CREB5: variants seen among roughly 807,000 people sequenced by gnomAD.
CREB5 encodes the protein cAMP responsive element binding protein 5.
A neutral mutation model predicts 57.1 loss-of-function variants in CREB5; 19 were observed. The observed-to-expected ratio is 0.33, with a 90% CI of 0.23 to 0.49. The LOEUF (loss-of-function observed/expected upper bound fraction) is 0.49, where lower values mean the gene tolerates loss of function less well. CREB5 is among the 20% of genes least tolerant of loss of function. CREB5 has a pLI of 0.99. For missense variants in CREB5, 579 were observed against 671.6 expected (o/e 0.86, Z 1.52); for synonymous variants, 238 against 238.3 (o/e 1.00, Z 0.01).
intron 9 of CREB5, among the ~76,000 whole-genome samples, chr7:28,810,053 T>G (rs1809015094): frequency 6.6e-6 from 1 of 152,186 alleles, no homozygotes; most frequent in African/African-American, 2.4e-5. Flanking sequence ...TTTTGCTTTT[T>G]ATGAATGTCT....
chr7:28,603,197 G>T (rs1796988497), intron 5 of CREB5, among the ~76,000 whole-genome samples: 2 of 152,124 alleles, frequency 1.3e-5, no homozygotes, highest in Non-Finnish European at 2.9e-5. Context: ...CTTTGAATGT[G>T]AGCATCCAAA....
At chr7:28,612,779 A>G (rs1007872407) in intron 5 of CREB5, among the ~76,000 whole-genome samples, 1 of 152,208 alleles carries the variant, frequency 6.6e-6, no homozygotes, top group Non-Finnish European at 1.5e-5. Context: ...ATTACCTGTC[A>G]GTAGGATTAT....
intron 5 of CREB5, among the ~76,000 whole-genome samples, chr7:28,599,147 G>A (rs1796810285): frequency 6.6e-6 from 1 of 152,090 alleles, no homozygotes; most frequent in Non-Finnish European, 1.5e-5. Context: ...GGATGTGATT[G>A]AAGTTCCAGC....
intron 1 of CREB5, among the ~76,000 whole-genome samples, chr7:28,387,553 T>C (rs6955695): frequency 5.3e-5 from 8 of 152,162 alleles, no homozygotes; most frequent in Admixed American, 1.3e-4. Context: ...TGATAGTTTC[T>C]TTTGCTGTGC....
At chr7:28,408,054 A>G (rs1299866111), upstream of CREB5, among the ~76,000 whole-genome samples, 1 of 152,222 alleles carries the variant, frequency 6.6e-6, no homozygotes, top group African/African-American at 2.4e-5. Context: ...AATAACCCAC[A>G]AGAAGGGAAT....
At chr7:28,573,749 T>C (rs183145898) in intron 5 of CREB5, among the ~76,000 whole-genome samples, 42 of 152,262 alleles carry the variant, frequency 2.8e-4, no homozygotes, top group Admixed American at 1.1e-3. Flanking sequence ...AGGGAGGACT[T>C]TGGGGACAAA....
At position 28,571,695 on chromosome 7, in the gene CREB5, C is replaced by T. The variant is rs149829622; in HGVS notation, c.464+1158C>T. On this transcript the variant is annotated intron_variant, in intron 5 of 10. Transcript: ENST00000357727. The stretch of plus-strand genomic sequence containing the variant: ...GCATTTCCAGGGAGCTTCTCAGAAA[C>T]GCAGAATCTCTGGCCCAGCTTCCTT... 8.9e-3 allele frequency among the ~76,000 whole-genome samples: 1,357 copies of T among 152,292 alleles called. 10 individuals carry two copies. The highest frequency in any genetic ancestry group is 0.013 in the South Asian group (65 of 4,824).
intron 1 of CREB5, among the ~76,000 whole-genome samples, chr7:28,401,285 T>C (rs952265434): frequency 6.6e-6 from 1 of 152,232 alleles, no homozygotes; most frequent in Admixed American, 6.5e-5. Context: ...GAGTAGTGAA[T>C]ACAATAATTC....
At chr7:28,478,707 C>G (rs551385845) in intron 1 of CREB5, among the ~76,000 whole-genome samples, 1 of 152,300 alleles carries the variant, frequency 6.6e-6, no homozygotes, top group African/African-American at 2.4e-5. Flanking sequence ...GTTGGGGCAA[C>G]TCTTTCTTTT....
chr7:28,494,775 GTT>G (rs77196704), intron 2 of CREB5, 129 bp from the exon 3 acceptor site: 522 of 483,922 alleles, frequency 1.1e-3, no homozygotes, highest in Middle Eastern at 2.4e-3. Flanking sequence ...TTTTCGAAAT[GTT>G]TTTTTTTTTT....
intron 3 of CREB5, among the ~76,000 whole-genome samples, chr7:28,499,689 T>C (rs1792197443): frequency 6.6e-6 from 1 of 152,138 alleles, no homozygotes; most frequent in African/African-American, 2.4e-5. Context: ...GTTCAAGTGA[T>C]TTTCCTGCCT....
At chr7:28,584,894 G>A (rs1796254142) in intron 5 of CREB5, among the ~76,000 whole-genome samples, 1 of 152,110 alleles carries the variant, frequency 6.6e-6, no homozygotes, top group African/African-American at 2.4e-5. Context: ...CTACTTTCTG[G>A]AGAACAGCTA....
chr7:28,397,402 G>T (rs138244868), intron 1 of CREB5, among the ~76,000 whole-genome samples: 338 of 152,270 alleles, frequency 2.2e-3, no homozygotes, highest in African/African-American at 7.8e-3. Flanking sequence ...GAGACGTAAG[G>T]ATCCCATCTG....
At chr7:28,413,156 T>A (rs1356856757) in intron 1 of CREB5, among the ~76,000 whole-genome samples, 1 of 151,676 alleles carries the variant, frequency 6.6e-6, no homozygotes, top group Non-Finnish European at 1.5e-5. Flanking sequence ...AGGTAAAATA[T>A]GTTCAGAAGC....
At chr7:28,585,718 A>T (rs1463102680) in intron 5 of CREB5, among the ~76,000 whole-genome samples, 1 of 151,990 alleles carries the variant, frequency 6.6e-6, no homozygotes, top group Non-Finnish European at 1.5e-5. Context: ...CCACCACCAG[A>T]ATTGTTCTGG....
chr7:28,743,838 CTTTTTTTTTTTTT>C (rs58302393), intron 7 of CREB5, among the ~76,000 whole-genome samples: 4 of 76,018 alleles, frequency 5.3e-5, no homozygotes, highest in Non-Finnish European at 9.2e-5. Flanking sequence ...ATCTCCTTTT[CTTTTTTTTTTTTT>C]TTTTTTTTTT....
chr7:28,343,947 T>C (rs1377108479), intron 1 of CREB5, among the ~76,000 whole-genome samples: 1 of 152,230 alleles, frequency 6.6e-6, no homozygotes, highest in Non-Finnish European at 1.5e-5. Flanking sequence ...ATTTCCCTGA[T>C]AATTAGTGAT....
intron 5 of CREB5, among the ~76,000 whole-genome samples, chr7:28,598,954 C>T (rs558737514): frequency 4.6e-5 from 7 of 152,286 alleles, no homozygotes; most frequent in Admixed American, 6.5e-5. Flanking sequence ...CAAAATGAAA[C>T]TCATTGCTTT....
intron 8 of CREB5, among the ~76,000 whole-genome samples, chr7:28,807,105 C>G (rs550426067): frequency 2.0e-5 from 3 of 152,272 alleles, no homozygotes; most frequent in African/African-American, 7.2e-5. Context: ...TTTTGTTATT[C>G]CTCTATAATC....
Sources: gnomAD v4.1 joint callset for allele counts (sites outside exome capture counted in the v4.1 genomes callset) on GRCh38, gnomAD v4.1.1 for gene constraint, MANE v1.5 for transcripts, NCBI Gene and HGNC (gene_info 2026-07-23, HGNC 2026-07-21) for gene names.